The following ARHGAP10 variants were observed in gnomAD, a reference collection of about 807,000 sequenced individuals.
ARHGAP10 encodes the protein Rho GTPase activating protein 10.
In ARHGAP10, 87 loss-of-function variants were observed where a neutral mutation model predicts 108.6. That is an observed-to-expected ratio of 0.80 (90% CI 0.67 to 0.96). The LOEUF (loss-of-function observed/expected upper bound fraction) is 0.96, where lower values mean the gene tolerates loss of function less well. Among genes scored for constraint, ARHGAP10 ranks in the 40% least tolerant of loss-of-function variants. The probability of loss-of-function intolerance (pLI) is 0.00; values close to 1 mark genes in which losing one functional copy is unlikely to be tolerated. For synonymous variants in ARHGAP10, 347 were observed against 341.1 expected (o/e 1.02, Z -0.19); for missense variants, 939 against 954.5 (o/e 0.98, Z 0.21).
chr4:147,768,466 C>T (rs1217976491), intron 1 of ARHGAP10, among the ~76,000 whole-genome samples: 1 of 151,664 alleles, frequency 6.6e-6, no homozygotes, highest in African/African-American at 2.4e-5. Context: ...CGTAACTTGC[C>T]AAATTCCTTG....
At chr4:147,936,498 T>A (rs188743204) in intron 13 of ARHGAP10, among the ~76,000 whole-genome samples, 4,722 of 151,566 alleles carry the variant, frequency 0.031, 239 homozygotes, top group African/African-American at 0.11. Context: ...CCGGCTAATT[T>A]TTTTGTATTT....
chr4:147,949,399 G>C (rs2126975625), intron 15 of ARHGAP10, among the ~76,000 whole-genome samples: 1 of 152,330 alleles, frequency 6.6e-6, no homozygotes, highest in Non-Finnish European at 1.5e-5. Context: ...CTGTGGCTGA[G>C]AAATTAGAAC....
At chr4:147,839,741 G>A (rs548743527) in intron 3 of ARHGAP10, among the ~76,000 whole-genome samples, 48 of 152,254 alleles carry the variant, frequency 3.2e-4, no homozygotes, top group African/African-American at 9.9e-4. Context: ...CTGCAGGTTG[G>A]TTGTTATTCT....
At chr4:148,026,848 CTTTCA>C (rs1224064785) in intron 19 of ARHGAP10, among the ~76,000 whole-genome samples, 3 of 152,126 alleles carry the variant, frequency 2.0e-5, no homozygotes, top group African/African-American at 4.8e-5. Context: ...CAAAGGTTTG[CTTTCA>C]TTTCATTTTC....
At chr4:148,000,031 C>G (rs1560867604) in intron 18 of ARHGAP10, among the ~76,000 whole-genome samples, 2 of 151,698 alleles carry the variant, frequency 1.3e-5, no homozygotes, top group Non-Finnish European at 2.9e-5. Context: ...CACCTATTAA[C>G]TGGTCATTTA....
chr4:147,751,666 CT>C (rs370488141), intron 1 of ARHGAP10, among the ~76,000 whole-genome samples: 1 of 151,764 alleles, frequency 6.6e-6, no homozygotes. Flanking sequence ...TGCACCTGGC[CT>C]TTTTTTGCTT....
chr4:147,908,751 C>T (rs1251846204), intron 11 of ARHGAP10, among the ~76,000 whole-genome samples: 1 of 152,158 alleles, frequency 6.6e-6, no homozygotes, highest in East Asian at 1.9e-4. Context: ...TAGAATACAG[C>T]AGTTTCCTTA....
intron 18 of ARHGAP10, among the ~76,000 whole-genome samples, chr4:147,981,193 T>G (rs1398005875): frequency 2.0e-5 from 3 of 152,218 alleles, no homozygotes; most frequent in African/African-American, 7.2e-5. Flanking sequence ...TGTAGGTGTT[T>G]TGTGCAGTAA....
chr4:147,909,250 G>A (rs1029657713), intron 11 of ARHGAP10, among the ~76,000 whole-genome samples: 1 of 152,234 alleles, frequency 6.6e-6, no homozygotes, highest in African/African-American at 2.4e-5. Context: ...TGAGGTTGAG[G>A]TGGGTGCACG....
chr4:147,972,166 A>T (rs1016877251), intron 18 of ARHGAP10, among the ~76,000 whole-genome samples: 1 of 152,180 alleles, frequency 6.6e-6, no homozygotes, highest in African/African-American at 2.4e-5. Context: ...ATTTAGGGGT[A>T]GAAAGTATAA....
intron 13 of ARHGAP10, among the ~76,000 whole-genome samples, chr4:147,936,237 T>C (rs1369484070): frequency 6.6e-6 from 1 of 151,770 alleles, no homozygotes; most frequent in Non-Finnish European, 1.5e-5. Flanking sequence ...GCTCAAAAGG[T>C]CTCTGATTTT....
intron 5 of ARHGAP10, among the ~76,000 whole-genome samples, chr4:147,859,575 AT>A (rs1459755212): frequency 2.0e-5 from 3 of 151,960 alleles, no homozygotes; most frequent in East Asian, 1.9e-4. Context: ...GGCCCAGCCT[AT>A]TTTTTTTCAT....
intron 1 of ARHGAP10, among the ~76,000 whole-genome samples, chr4:147,778,862 G>A (rs1264845783): frequency 6.6e-6 from 1 of 152,172 alleles, no homozygotes; most frequent in Non-Finnish European, 1.5e-5. Context: ...CACTTAGAAT[G>A]ACCAGTAAAG....
intron 3 of ARHGAP10, among the ~76,000 whole-genome samples, chr4:147,831,471 T>C (rs1732951108): frequency 6.6e-6 from 1 of 152,238 alleles, no homozygotes; most frequent in African/African-American, 2.4e-5. Context: ...CAGTATTTTA[T>C]ATGGCATGTG....
chr4:147,739,926 G>A (rs1030879966), intron 1 of ARHGAP10, among the ~76,000 whole-genome samples: 1 of 152,014 alleles, frequency 6.6e-6, no homozygotes, highest in East Asian at 1.9e-4. Context: ...TGTAGAGATG[G>A]GGTTTCACCA....
At chr4:147,798,729 CTCTCTCTCTCTCTCTCTCT>C (rs1560764487) in intron 1 of ARHGAP10, among the ~76,000 whole-genome samples, 4 of 11,266 alleles carry the variant, frequency 3.6e-4, no homozygotes, top group Non-Finnish European at 6.7e-4. Flanking sequence ...GAGACACTCT[CTCTCTCTCTCTCTCTCTCT>C]CTCTCTCTCT....
chr4:147,794,532 A>G (rs1039074270), intron 1 of ARHGAP10, among the ~76,000 whole-genome samples: 1 of 152,120 alleles, frequency 6.6e-6, no homozygotes, highest in African/African-American at 2.4e-5. Context: ...ACATATACAC[A>G]CTCGACAAGT....
intron 13 of ARHGAP10, among the ~76,000 whole-genome samples, chr4:147,927,876 A>T (rs542775646): frequency 3.4e-4 from 52 of 152,318 alleles, no homozygotes; most frequent in African/African-American, 1.1e-3. Context: ...TGGGATCGGG[A>T]GACCTCTGGG....
intron 16 of ARHGAP10, among the ~76,000 whole-genome samples, chr4:147,957,827 A>G (rs1375353689): frequency 6.6e-6 from 1 of 152,106 alleles, no homozygotes; most frequent in Admixed American, 6.5e-5. Context: ...TTTCATTTCT[A>G]TTTTGTCACC....
Sources: allele counts gnomAD v4.1 joint callset (sites outside exome capture counted in the v4.1 genomes callset), GRCh38; gene constraint gnomAD v4.1.1; transcripts MANE v1.5; gene names NCBI Gene and HGNC (gene_info 2026-07-23, HGNC 2026-07-21).